TMEM59: variants seen among roughly 807,000 people sequenced by gnomAD.
TMEM59 encodes the protein transmembrane protein 59.
A neutral mutation model predicts 42.2 loss-of-function variants in TMEM59; 44 were observed. The observed-to-expected ratio is 1.04, with a 90% CI of 0.82 to 1.34. The LOEUF is 1.34. Among genes scored for constraint, TMEM59 ranks in the 40% most tolerant of loss-of-function variants. The pLI is 0.00. For synonymous variants in TMEM59, 148 were observed against 145.8 expected (o/e 1.02, Z -0.11); for missense variants, 359 against 382.8 (o/e 0.94, Z 0.52).
upstream of TMEM59, chr1:54,053,278 C>G (rs1569982092): frequency 6.7e-7 from 1 of 1,496,494 alleles, no homozygotes; most frequent in East Asian, 2.3e-5. Flanking sequence ...CTTCTCCGCC[C>G]CACCGACCGT....
intron 5 of TMEM59, among the ~76,000 whole-genome samples, chr1:54,041,375 AT>A (rs200616998): frequency 0.013 from 1,968 of 152,322 alleles, 31 homozygotes; most frequent in African/African-American, 0.045. Context: ...AGAATATTTG[AT>A]TAGTTCATGC....
chr1:54,053,247 C>T, upstream of TMEM59: 2 of 1,586,446 alleles, frequency 1.3e-6, no homozygotes, highest in Admixed American at 1.7e-5. Context: ...AGGGTTTCCT[C>T]CTCCTCCTGG....
Position 54,053,121 on chromosome 1 carries a change from G to A in TMEM59, c.68C>T (p.Thr23Ile), listed in dbSNP as rs1378539586. 9.9e-6 allele frequency: 16 copies of A among 1,614,272 alleles called. No individual in the cohort carries two copies. The highest frequency in any genetic ancestry group is 2.2e-5 in the East Asian group (1 of 44,888). ...CCCCGAACCTCCGGCCAAGGCCATG[G>A]TCAGCAGCAGCAGCGGCGGGAGCCC... ...QLGLPPLLLL[T>I]MALAGGSGTA... Residue 23 changes from threonine to isoleucine, a missense_variant, in exon 1 of 8, where the codon ACC (threonine) becomes ATC (isoleucine). By Grantham distance (89) the Thr-to-Ile change is moderately conservative. Transcript: ENST00000234831.
At chr1:54,040,390 C>A (rs1435351193) in intron 6 of TMEM59, among the ~76,000 whole-genome samples, 2 of 152,066 alleles carry the variant, frequency 1.3e-5, no homozygotes, top group South Asian at 4.1e-4. Flanking sequence ...TGACCTCAGG[C>A]GATCCACCCG....
intron 6 of TMEM59, among the ~76,000 whole-genome samples, chr1:54,037,408 T>C (rs1349226819): frequency 2.0e-5 from 3 of 152,264 alleles, no homozygotes; most frequent in Non-Finnish European, 2.9e-5. Context: ...TGAATTTTTA[T>C]AGAGACAAGC....
intron 2 of TMEM59, 115 bp from the exon 3 acceptor site, chr1:54,045,901 T>C: frequency 2.3e-6 from 2 of 866,656 alleles, no homozygotes; most frequent in South Asian, 2.0e-5. Flanking sequence ...TTCATCAATG[T>C]GAATTTCCAA....
rs1423008719 is a variant in TMEM59 at position 54,027,488 on chromosome 1, G to C, written c.*4662C>G. ...AAGAGAGTACTTAATAGTGAAATAG[G>C]GTGGGTGCAGTGGCTCATGCCTGCA... On this transcript the variant is annotated 3_prime_UTR_variant, in exon 8 of 8. Coordinates refer to ENST00000234831, the MANE Select transcript of TMEM59 (RefSeq NM_004872.5). 1 of 152,142 alleles carries C rather than the reference G, an allele frequency of 6.6e-6. No homozygotes were observed. Among genetic ancestry groups the C allele is most frequent in the Non-Finnish European group, 1.5e-5 (1 of 68,030 alleles). 9.4% of individuals were successfully genotyped at this position (152,142 alleles called of 1,614,324 possible).
intron 6 of TMEM59, among the ~76,000 whole-genome samples, chr1:54,037,243 TA>T (rs1313295210): frequency 6.6e-6 from 1 of 152,220 alleles, no homozygotes; most frequent in Non-Finnish European, 1.5e-5. Context: ...TACTTCAATT[TA>T]AAAAAGCACA....
At position 54,026,796 on chromosome 1, in the gene TMEM59, A is replaced by G. The variant is rs1383331171; in HGVS notation, c.*5354T>C. ...GCATGATGGTACACCTGGAGGTAACATTATCAAGAGCTTTTGTTGAAACCT... is the reference window on the plus strand; with the variant it reads ...GCATGATGGTACACCTGGAGGTAACGTTATCAAGAGCTTTTGTTGAAACCT... On this transcript the variant is annotated 3_prime_UTR_variant, in exon 8 of 8. Transcript: ENST00000234831. 1 of 152,260 alleles carries G rather than the reference A, an allele frequency of 6.6e-6. No homozygotes were observed. Among genetic ancestry groups the G allele is most frequent in the African/African-American group, 2.4e-5 (1 of 41,464 alleles). 9.4% of individuals were successfully genotyped at this position (152,260 alleles called of 1,614,324 possible). A position where few individuals can be genotyped will look rare whatever the true frequency, so the allele number is the denominator to read the frequency against.
chr1:54,034,549 G>C (rs1186706920), intron 7 of TMEM59: 3 of 152,240 alleles, frequency 2.0e-5, no homozygotes, highest in Non-Finnish European at 2.9e-5. Flanking sequence ...TAAGGCAGGC[G>C]AATCACTTGA....
intron 6 of TMEM59, among the ~76,000 whole-genome samples, chr1:54,038,878 C>T (rs1039274483): frequency 2.0e-5 from 3 of 152,178 alleles, no homozygotes; most frequent in African/African-American, 4.8e-5. Context: ...GAGACAGTCT[C>T]GCTTTGTCAC....
Position 54,029,787 on chromosome 1 carries a change from A to T in TMEM59, c.*2363T>A, listed in dbSNP as rs1656707769. 1 of 152,148 alleles carries T rather than the reference A, an allele frequency of 6.6e-6. No homozygotes were observed. The highest frequency in any genetic ancestry group is 1.5e-5 in the Non-Finnish European group (1 of 68,032). The allele number at this position is 152,148 out of a possible 1,614,324, so 9.4% of individuals were successfully genotyped here. On this transcript the variant is annotated 3_prime_UTR_variant, in exon 8 of 8. Coordinates refer to ENST00000234831, the MANE Select transcript of TMEM59 (RefSeq NM_004872.5). ...CAAACAGAAGACTATATTTCCCATT[A>T]TCTCAATCTTTATCACTGTACGTAC...
chr1:54,035,016 A>T (rs908126378), intron 7 of TMEM59: 7 of 152,218 alleles, frequency 4.6e-5, no homozygotes, highest in African/African-American at 1.7e-4. Flanking sequence ...GACTGAGGAG[A>T]TGTTGGTTAA....
At chr1:54,032,876 T>C (rs1656810294) in intron 7 of TMEM59, among the ~76,000 whole-genome samples, 1 of 151,234 alleles carries the variant, frequency 6.6e-6, no homozygotes, top group Admixed American at 6.6e-5. Flanking sequence ...ATATCTAGCA[T>C]CTTTTGAGAG....
At chr1:54,052,720 GA>G (rs1385576378) in intron 1 of TMEM59, among the ~76,000 whole-genome samples, 1 of 152,096 alleles carries the variant, frequency 6.6e-6, no homozygotes, top group Non-Finnish European at 1.5e-5. Flanking sequence ...CCGAGTGCTC[GA>G]CTCCCCTGCA....
intron 6 of TMEM59, among the ~76,000 whole-genome samples, chr1:54,038,959 C>T (rs960866837): frequency 1.3e-5 from 2 of 152,206 alleles, no homozygotes; most frequent in Non-Finnish European, 2.9e-5. Context: ...ATTCTCCCAC[C>T]TCAGCCTCTT....
chr1:54,046,479 T>G lies in TMEM59; in HGVS notation c.296-693A>C, dbSNP rs148272106. Among the ~76,000 whole-genome samples, 203 of 152,348 alleles carry G rather than the reference T, an allele frequency of 1.3e-3. 2 individuals are homozygous for G. The highest frequency in any genetic ancestry group is 4.6e-3 in the African/African-American group (192 of 41,576). Reference sequence around the variant, plus strand: ...CTTGTGATATAACATTTTACCACTATCCTAATTTTATTTTTTCCCAACTCA... The same window carrying G: ...CTTGTGATATAACATTTTACCACTAGCCTAATTTTATTTTTTCCCAACTCA... On this transcript the variant is annotated intron_variant, in intron 2 of 7. Transcript: ENST00000234831.
At chr1:54,040,475 C>T (rs796222296) in intron 6 of TMEM59, among the ~76,000 whole-genome samples, 2 of 152,266 alleles carry the variant, frequency 1.3e-5, no homozygotes, top group African/African-American at 4.8e-5. Flanking sequence ...TAAATTAAAG[C>T]TTAATTTAAA....
chr1:54,031,831 A>G lies in TMEM59; in HGVS notation c.*319T>C, dbSNP rs1199476288. ...CAGCTTGTTAACTAAGGTAACTGAC[A>G]GTATCATGGCAGGAGGTGAGAAGGA... On this transcript the variant is annotated 3_prime_UTR_variant, in exon 8 of 8. Coordinates refer to ENST00000234831, the MANE Select transcript of TMEM59 (RefSeq NM_004872.5). 2 of 181,190 alleles carry G rather than the reference A, an allele frequency of 1.1e-5. No individual in the cohort carries two copies. Among genetic ancestry groups the G allele is most frequent in the Non-Finnish European group, 1.1e-5 (1 of 87,144 alleles). The allele number at this position is 181,190 out of a possible 1,614,324, so 11.2% of individuals were successfully genotyped here.
Sources: allele counts gnomAD v4.1 joint callset (sites outside exome capture counted in the v4.1 genomes callset), GRCh38; gene constraint gnomAD v4.1.1; transcripts MANE v1.5; gene names NCBI Gene and HGNC (gene_info 2026-07-23, HGNC 2026-07-21).